Variants in USP46 observed in about 807,000 individuals in gnomAD.
USP46 encodes ubiquitin carboxyl-terminal hydrolase 46.
In USP46, 12 loss-of-function variants were observed where a neutral mutation model predicts 44.4. That is an observed-to-expected ratio of 0.27 (90% CI 0.17 to 0.44). The LOEUF (loss-of-function observed/expected upper bound fraction) is 0.44, where lower values mean the gene tolerates loss of function less well. Ranked by LOEUF, USP46 falls within the 20% of genes least tolerant of loss-of-function variation. The pLI is 1.00. For missense variants in USP46, 248 were observed against 444.8 expected, an observed-to-expected ratio of 0.56 and a Z score of 3.98; for synonymous variants, 155 against 161.5, an observed-to-expected ratio of 0.96 and a Z score of 0.31.
rs1577706848 is a variant in USP46, at chr4:52,659,200, C to G, written c.-50G>C. ...TCACCGCCATCTTTACAAGGGGAAA[C>G]CGGGACTGCCCATGGTGGCGCGCTG... On this transcript the variant is annotated 5_prime_UTR_variant, in exon 1 of 9. Transcript: ENST00000441222. This position sits in a 1 kb window ranked among gnomAD's most constrained non-coding sequence, Gnocchi z 4.2. The G allele has an allele frequency of 1.3e-6, 2 of 1,501,290 alleles. No individual in the cohort carries two copies. Among genetic ancestry groups the G allele is most frequent in the South Asian group, 1.3e-5 (1 of 78,066 alleles). 93.0% of individuals were successfully genotyped at this position (1,501,290 alleles called of 1,614,324 possible). A position where few individuals can be genotyped will look rare whatever the true frequency, so the allele number is the denominator to read the frequency against.
At chr4:52,632,666 A>G (rs1717878563) in intron 1 of USP46, among the ~76,000 whole-genome samples, 1 of 151,800 alleles carries the variant, frequency 6.6e-6, no homozygotes, top group Non-Finnish European at 1.5e-5. Context: ...TACAAAAAAT[A>G]TAAAACTTAG....
chr4:52,636,675 C>T (rs1718128176), intron 1 of USP46, among the ~76,000 whole-genome samples: 1 of 126,090 alleles, frequency 7.9e-6, no homozygotes, highest in African/African-American at 3.1e-5. Context: ...CACTGCACTC[C>T]AGCCTGGGTG....
In USP46 at chr4:52,601,894, T is replaced by G. The variant is rs763343227; in HGVS notation, c.883A>C (p.Met295Leu). The G allele has an allele frequency of 1.2e-6, 2 of 1,613,890 alleles. No individual in the cohort carries two copies. Among genetic ancestry groups the G allele is most frequent in the East Asian group, 4.5e-5 (2 of 44,886 alleles). The change falls in exon 7 of 9, where the codon ATG (methionine) becomes CTG (leucine). Residue 295 changes from methionine (M) to leucine (L), a missense_variant. Met to Leu is a conservative substitution (Grantham distance 15). Around this residue, in one of 5 missense-constraint regions of USP46, gnomAD observed 98 missense variants for 218.2 expected, o/e 0.45. Transcript: ENST00000441222. The stretch of plus-strand genomic sequence containing the variant: ...ACGACCACCGCAACCAAGTCATACA[T>G]GCGGTCCAGGTTCACTGCATCACTG... The part of the protein sequence containing the change: ...TSSDAVNLDR[M>L]YDLVAVVVHC...
intron 4 of USP46, among the ~76,000 whole-genome samples, chr4:52,616,217 G>A (rs963111554): frequency 6.6e-6 from 1 of 152,204 alleles, no homozygotes. Context: ...CATCTAGCAG[G>A]TAGAAGCCAG....
chr4:52,626,895 T>G (rs1487634944), intron 3 of USP46, among the ~76,000 whole-genome samples: 1 of 152,232 alleles, frequency 6.6e-6, no homozygotes, highest in Non-Finnish European at 1.5e-5. Flanking sequence ...TAACTACCAA[T>G]GATCAATTAA....
chr4:52,658,999 G>A (rs888447434), intron 1 of USP46, 116 bp downstream of exon 1: 39 of 1,301,872 alleles, frequency 3.0e-5, no homozygotes, highest in Non-Finnish European at 3.6e-5. Context: ...AACTTCTGGC[G>A]GCGCGGACCC....
chr4:52,602,367 A>G (rs1204958540), intron 6 of USP46, among the ~76,000 whole-genome samples: 1 of 152,182 alleles, frequency 6.6e-6, no homozygotes, highest in Non-Finnish European at 1.5e-5. Context: ...TCCAGAGAGA[A>G]ATGATATTTG....
At chr4:52,640,303 A>G (rs931223995) in intron 1 of USP46, among the ~76,000 whole-genome samples, 1 of 152,144 alleles carries the variant, frequency 6.6e-6, no homozygotes. Context: ...GCCTGGCTCT[A>G]TTCTACATCT....
chr4:52,599,874 C>A (rs181098316), intron 7 of USP46, among the ~76,000 whole-genome samples: 1 of 152,300 alleles, frequency 6.6e-6, no homozygotes, highest in East Asian at 1.9e-4. Flanking sequence ...CTCTCACACA[C>A]TGCCCCCTTC....
chr4:52,610,625 A>G lies in USP46; in HGVS notation c.562-8T>C. Reference sequence around the variant, plus strand: ...TTCATCTTTGCTACTAACCTGAAACAAAAAACAGAAACAATATATTAGGCA... The same window carrying G: ...TTCATCTTTGCTACTAACCTGAAACGAAAAACAGAAACAATATATTAGGCA... On this transcript the variant is annotated splice_polypyrimidine_tract_variant and splice_region_variant and intron_variant, in intron 4 of 8. Coordinates refer to ENST00000441222, the MANE Select transcript of USP46 (RefSeq NM_022832.4). The G allele has an allele frequency of 6.2e-7, 1 of 1,613,272 alleles. No individual in the cohort carries two copies. Among genetic ancestry groups the G allele is most frequent in the Non-Finnish European group, 8.5e-7 (1 of 1,179,444 alleles).
rs1312182216 is a variant in USP46, at chr4:52,618,087, AAAT to A, written c.562-7473_562-7471del. ...GCTTTGCTAAATTCTTAAGTAATTA[AAAT>A]CATATTCAGGCCAGGCACAGTAGTG... is the stretch of plus-strand genomic sequence containing the variant. On this transcript the variant is annotated intron_variant, in intron 4 of 8. Coordinates refer to ENST00000441222, the MANE Select transcript of USP46 (RefSeq NM_022832.4). Among the ~76,000 whole-genome samples the A allele has an allele frequency of 2.2e-4, 33 of 152,362 alleles. No homozygotes were observed. The East Asian group carries it at 6.4e-3, about 29-fold the overall frequency.
intron 4 of USP46, among the ~76,000 whole-genome samples, chr4:52,612,250 C>T (rs562510760): frequency 1.3e-5 from 2 of 152,192 alleles, no homozygotes; most frequent in Non-Finnish European, 2.9e-5. Context: ...ATCCCAACTT[C>T]GTATAAAAAA....
chr4:52,615,352 C>T (rs958700911), intron 4 of USP46, among the ~76,000 whole-genome samples: 13 of 151,844 alleles, frequency 8.6e-5, no homozygotes, highest in East Asian at 3.9e-4. Flanking sequence ...ACATACTATG[C>T]GAAGAGTTAG....
rs765268055 is a variant in USP46 at position 52,604,676 on chromosome 4, T to G, written c.639-92A>C. 2,627 of 818,386 alleles carry G rather than the reference T, an allele frequency of 3.2e-3. 15 individuals are homozygous for G. Among genetic ancestry groups the G allele is most frequent in the Non-Finnish European group, 3.5e-3 (1,863 of 539,492 alleles). The allele number at this position is 818,386 out of a possible 1,614,324, so 50.7% of individuals were successfully genotyped here. ...CCCTCAATTAACCTGTAGGGTAATT[T>G]TTAAGTAAAAATGGAAGAAGAAGTA... is the stretch of plus-strand genomic sequence containing the variant. On this transcript the variant is annotated intron_variant, in intron 5 of 8. Transcript: ENST00000441222.
chr4:52,632,918 G>GAAAGAAAGAAAGAA (rs34224846), intron 1 of USP46, among the ~76,000 whole-genome samples: 21 of 35,192 alleles, frequency 6.0e-4, no homozygotes, highest in East Asian at 1.2e-3. Context: ...AAGAAAGAAA[G>GAAAGAAAGAAAGAA]AGAAAGAAAG....
intron 1 of USP46, among the ~76,000 whole-genome samples, chr4:52,640,503 T>A (rs1435953644): frequency 1.3e-5 from 2 of 152,144 alleles, no homozygotes; most frequent in Admixed American, 6.6e-5. Flanking sequence ...CTATGAGCAA[T>A]TATTATTTTT....
intron 1 of USP46, among the ~76,000 whole-genome samples, chr4:52,655,759 G>C (rs1718925230): frequency 6.6e-6 from 1 of 152,180 alleles, no homozygotes; most frequent in Admixed American, 6.5e-5. Context: ...GTGTGGCCAA[G>C]CTGCCTTGCC....
At chr4:52,610,357 C>G (rs1050026395) in intron 5 of USP46, among the ~76,000 whole-genome samples, 184 bp downstream of exon 5, 28 of 152,134 alleles carry the variant, frequency 1.8e-4, no homozygotes, top group African/African-American at 6.5e-4. Context: ...ATTTTATGCT[C>G]TTTTTTCTCA....
At chr4:52,647,527 CA>C (rs1459204484) in intron 1 of USP46, among the ~76,000 whole-genome samples, 2 of 152,204 alleles carry the variant, frequency 1.3e-5, no homozygotes, top group East Asian at 3.8e-4. Context: ...CCAAATGACA[CA>C]AAAGAGTGTG....
Sources: allele counts gnomAD v4.1 joint callset (sites outside exome capture counted in the v4.1 genomes callset), GRCh38; gene constraint gnomAD v4.1.1; regional missense constraint gnomAD v4.1.1; non-coding constraint Gnocchi (gnomAD v3.1); transcripts MANE v1.5; gene names NCBI Gene and HGNC (gene_info 2026-07-23, HGNC 2026-07-21).